ZHX3: variants seen among roughly 807,000 people sequenced by gnomAD.
The protein encoded by ZHX3 is zinc fingers and homeoboxes protein 3.
ZHX3 carries 20 observed loss-of-function variants against 64.5 expected under a neutral mutation model. That is an observed-to-expected ratio of 0.31 (90% CI 0.22 to 0.45). ZHX3 has a LOEUF of 0.45. Among genes scored for constraint, ZHX3 ranks in the 20% least tolerant of loss-of-function variants. The pLI, the probability that ZHX3 is intolerant of heterozygous loss-of-function variation, is 1.00. For missense variants in ZHX3, 1,041 were observed against 1,195.8 expected (o/e 0.87, Z 1.91); for synonymous variants, 423 against 461.6 (o/e 0.92, Z 1.07).
intron 1 of ZHX3, among the ~76,000 whole-genome samples, chr20:41,276,188 G>C (rs1443996353): frequency 2.0e-5 from 3 of 152,158 alleles, no homozygotes; most frequent in Non-Finnish European, 4.4e-5. Context: ...ACTTGAGTCT[G>C]TGGGATTTTT....
In ZHX3 at chr20:41,228,143, C is replaced by T. The variant is rs1175193236; in HGVS notation, c.-150-23077G>A. Among the ~76,000 whole-genome samples the T allele has an allele frequency of 1.3e-5, 2 of 152,136 alleles. No individual in the cohort carries two copies. Among genetic ancestry groups the T allele is most frequent in the Non-Finnish European group, 2.9e-5 (2 of 68,024 alleles). ...ACCTCTATAACCTCTCCAAAGGGAG[C>T]AAACTCATGCCCAGGACTTTGCAAT... is the stretch of plus-strand genomic sequence containing the variant. On this transcript the variant is annotated intron_variant, in intron 2 of 3. Coordinates refer to ENST00000683867, the MANE Select transcript of ZHX3 (RefSeq NM_001384317.1). The surrounding 1 kb of genome is among the most constrained non-coding windows in gnomAD (Gnocchi z 4.6).
chr20:41,295,951 C>G (rs1238259015), intron 1 of ZHX3, among the ~76,000 whole-genome samples: 1 of 151,996 alleles, frequency 6.6e-6, no homozygotes, highest in Non-Finnish European at 1.5e-5. Context: ...GTGACACACA[C>G]AGTTTGATCT....
At chr20:41,233,581 T>C (rs993274002) in intron 2 of ZHX3, among the ~76,000 whole-genome samples, 1 of 152,176 alleles carries the variant, frequency 6.6e-6, no homozygotes, top group Non-Finnish European at 1.5e-5. Context: ...ATAAAACATA[T>C]GCCCTGTGTC....
intron 2 of ZHX3, among the ~76,000 whole-genome samples, chr20:41,242,838 C>A (rs2041467793): frequency 6.6e-6 from 1 of 152,114 alleles, no homozygotes; most frequent in Admixed American, 6.5e-5. Flanking sequence ...ATTTTTATAA[C>A]CCTATCCCTA....
At chr20:41,270,018 T>C (rs148185678) in intron 1 of ZHX3, among the ~76,000 whole-genome samples, 1 of 152,322 alleles carries the variant, frequency 6.6e-6, no homozygotes, top group Non-Finnish European at 1.5e-5. Context: ...AATCCAATCC[T>C]TACAATGATG....
At chr20:41,234,848 C>A (rs1270079125) in intron 2 of ZHX3, among the ~76,000 whole-genome samples, 5 of 152,206 alleles carry the variant, frequency 3.3e-5, no homozygotes, top group African/African-American at 1.2e-4. Context: ...GGGCCAGGCA[C>A]CTACTGGGGA....
At position 41,204,595 on chromosome 20, in the gene ZHX3, T is replaced by G; in HGVS notation, c.322A>C (p.Thr108Pro). The G allele has an allele frequency of 1.9e-6, 3 of 1,614,150 alleles. No homozygotes were observed. Among genetic ancestry groups the G allele is most frequent in the Non-Finnish European group, 2.5e-6 (3 of 1,180,018 alleles). ...SEHTDFNKDP[T>P]FVCSGCSFLA... ...AAACTGCACCCACTGCATACAAAGGTTGGGTCTTTATTAAAGTCTGTGTGC... is the reference window on the plus strand; with the variant it reads ...AAACTGCACCCACTGCATACAAAGGGTGGGTCTTTATTAAAGTCTGTGTGC... Residue 108 changes from threonine to proline, a missense_variant, in exon 3 of 4, where the codon ACC becomes CCC. Around this residue, in one of 4 missense-constraint regions of ZHX3, gnomAD observed 358 missense variants for 369.1 expected, o/e 0.97. Coordinates refer to ENST00000683867, the MANE Select transcript of ZHX3 (RefSeq NM_001384317.1). The surrounding 1 kb of genome is among the most constrained non-coding windows in gnomAD (Gnocchi z 6.6).
chr20:41,294,073 C>T (rs948078393), intron 1 of ZHX3, among the ~76,000 whole-genome samples: 6 of 152,020 alleles, frequency 3.9e-5, no homozygotes, highest in Non-Finnish European at 7.4e-5. Context: ...ACAAAAGTTC[C>T]GAGGCTCCCC....
chr20:41,291,628 C>T (rs1031499965), intron 1 of ZHX3, among the ~76,000 whole-genome samples: 6 of 151,392 alleles, frequency 4.0e-5, no homozygotes, highest in Non-Finnish European at 7.4e-5. Flanking sequence ...TGTGTGTATA[C>T]GTATACACAC....
intron 2 of ZHX3, among the ~76,000 whole-genome samples, chr20:41,249,914 TCCCAACC>T (rs2041906211): frequency 6.6e-6 from 1 of 152,104 alleles, no homozygotes; most frequent in Non-Finnish European, 1.5e-5. Context: ...CGAGGGTGTT[TCCCAACC>T]CCCAACCTAG....
At chr20:41,295,415 A>G (rs1232919612) in intron 1 of ZHX3, among the ~76,000 whole-genome samples, 1 of 152,206 alleles carries the variant, frequency 6.6e-6, no homozygotes, top group Non-Finnish European at 1.5e-5. Context: ...GGAACAATAC[A>G]AACTTGTATA....
At chr20:41,236,477 A>T (rs2040999570) in intron 2 of ZHX3, among the ~76,000 whole-genome samples, 1 of 152,188 alleles carries the variant, frequency 6.6e-6, no homozygotes, top group Non-Finnish European at 1.5e-5. Flanking sequence ...CATATCTACA[A>T]CCATCTGATC....
chr20:41,308,187 C>G (rs73907128), intron 1 of ZHX3, among the ~76,000 whole-genome samples: 2 of 152,136 alleles, frequency 1.3e-5, no homozygotes, highest in East Asian at 1.9e-4. Flanking sequence ...CTCTGAATTC[C>G]TTTTTTTCTC....
Position 41,212,175 on chromosome 20 carries a change from T to C in ZHX3, c.-150-7109A>G, listed in dbSNP as rs1275597524. On this transcript the variant is annotated intron_variant, in intron 2 of 3. Transcript: ENST00000683867. This position sits in a 1 kb window ranked among gnomAD's most constrained non-coding sequence, Gnocchi z 4.3. ...GTAAAGTATATCCAGATTATATAAATAACTTACAACTCAACCATAGAAAGA... is the reference window on the plus strand; with the variant it reads ...GTAAAGTATATCCAGATTATATAAACAACTTACAACTCAACCATAGAAAGA... Among the ~76,000 whole-genome samples, 1 of 152,192 alleles carries C rather than the reference T, an allele frequency of 6.6e-6. No homozygotes were observed. Among genetic ancestry groups the C allele is most frequent in the Non-Finnish European group, 1.5e-5 (1 of 68,022 alleles).
At chr20:41,286,852 T>C (rs373109681) in intron 1 of ZHX3, among the ~76,000 whole-genome samples, 9 of 152,314 alleles carry the variant, frequency 5.9e-5, no homozygotes, top group African/African-American at 2.2e-4. Context: ...GCTGTTCTCA[T>C]GATAGTGAGG....
At chr20:41,312,112 CTTT>C (rs1206999168) in intron 1 of ZHX3, among the ~76,000 whole-genome samples, 1 of 152,192 alleles carries the variant, frequency 6.6e-6, no homozygotes, top group Non-Finnish European at 1.5e-5. Flanking sequence ...TGGAGAACTT[CTTT>C]GTCTTACAGG....
chr20:41,204,072 G>C lies in ZHX3; in HGVS notation c.845C>G (p.Ala282Gly). ...LSLQQQPPVH[A>G]QHHVHQPLPT... ...CAGTGGCTGGTGGACATGGTGTTGGGCATGCACTGGGGGCTGCTGCTGGAG... is the reference window on the plus strand; with the variant it reads ...CAGTGGCTGGTGGACATGGTGTTGGCCATGCACTGGGGGCTGCTGCTGGAG... Residue 282 changes from alanine (A) to glycine (G), a missense_variant, in exon 3 of 4, where the codon GCC (alanine) becomes GGC (glycine). By Grantham distance (60) the Ala-to-Gly change is moderately conservative. Coordinates refer to ENST00000683867, the MANE Select transcript of ZHX3 (RefSeq NM_001384317.1). This position sits in a 1 kb window ranked among gnomAD's most constrained non-coding sequence, Gnocchi z 6.6. 1 of 1,611,814 alleles carries C rather than the reference G, an allele frequency of 6.2e-7. No homozygotes were observed. Among genetic ancestry groups the C allele is most frequent in the South Asian group, 1.1e-5 (1 of 90,654 alleles).
chr20:41,237,263 G>A (rs1457385663), intron 2 of ZHX3, among the ~76,000 whole-genome samples: 1 of 152,152 alleles, frequency 6.6e-6, no homozygotes, highest in Non-Finnish European at 1.5e-5. Context: ...CCATTACTGG[G>A]TATATACCCA....
intron 2 of ZHX3, among the ~76,000 whole-genome samples, chr20:41,236,735 C>T (rs892333325): frequency 6.6e-6 from 1 of 152,096 alleles, no homozygotes; most frequent in African/African-American, 2.4e-5. Flanking sequence ...TCTAAAACAC[C>T]AAAAGCAATG....
Sources: gnomAD v4.1 joint callset for allele counts (sites outside exome capture counted in the v4.1 genomes callset) on GRCh38, gnomAD v4.1.1 for gene constraint, gnomAD v4.1.1 regional missense constraint, Gnocchi (gnomAD v3.1) non-coding constraint, MANE v1.5 for transcripts, NCBI Gene and HGNC (gene_info 2026-07-23, HGNC 2026-07-21) for gene names.